Variants in CSMD1 observed in about 807,000 individuals in gnomAD.
CSMD1 encodes CUB and sushi domain-containing protein 1.
In CSMD1, 213 loss-of-function variants were observed where a neutral mutation model predicts 417.5. That is an observed-to-expected ratio of 0.51 (90% confidence interval 0.46 to 0.57). The LOEUF (loss-of-function observed/expected upper bound fraction) is 0.57, where lower values mean the gene tolerates loss of function less well. Among genes scored for constraint, CSMD1 ranks in the 20% least tolerant of loss-of-function variants. The pLI, the probability that CSMD1 is intolerant of heterozygous loss-of-function variation, is 0.00. For synonymous variants in CSMD1, 2,862 were observed against 1,736.8 expected, an observed-to-expected ratio of 1.65 and a Z score of -16.11; for missense variants, 6,923 against 4,529.7, an observed-to-expected ratio of 1.53 and a Z score of -15.17.
In CSMD1 at chr8:4,415,019, A is replaced by G. The variant is rs551606519; in HGVS notation, c.415+4934T>C. 7.2e-5 allele frequency among the ~76,000 whole-genome samples: 11 copies of G among 152,334 alleles called. No homozygotes were observed. The East Asian group carries it at 2.1e-3, about 29-fold the overall frequency. ...TAAATTGTCACATAGAAGCATAGGC[A>G]AGCAAAAATGCTATCCTTCGTTTCA... is the stretch of plus-strand genomic sequence containing the variant. On this transcript the variant is annotated intron_variant, in intron 3 of 69. Coordinates refer to ENST00000635120, the MANE Select transcript of CSMD1 (RefSeq NM_033225.6).
At chr8:4,211,728 G>A (rs1188500755) in intron 3 of CSMD1, among the ~76,000 whole-genome samples, 3 of 152,256 alleles carry the variant, frequency 2.0e-5, no homozygotes, top group South Asian at 2.1e-4. Context: ...TGCAAGTGGG[G>A]AGTTGACAAA....
intron 12 of CSMD1, among the ~76,000 whole-genome samples, chr8:3,465,362 C>A (rs917580986): frequency 6.6e-6 from 1 of 152,110 alleles, no homozygotes; most frequent in Admixed American, 6.5e-5. Flanking sequence ...GAGTTAGAGA[C>A]AGCACAAATG....
Position 3,175,483 on chromosome 8 carries a change from T to TCCTGCCTGCCTGCCTGCCTGCCTGCCTG in CSMD1, c.5725+5626_5725+5627insCAGGCAGGCAGGCAGGCAGGCAGGCAGG, listed in dbSNP as rs67818519. ...CTTTCCTTCCTTCTTTTCCCTTCCTTCCTGCCTGCCTGCCTGCCTGCCTGC... is the reference window on the plus strand; with the variant it reads ...CTTTCCTTCCTTCTTTTCCCTTCCTTCCTGCCTGCCTGCCTGCCTGCCTGCCTGCCTGCCTGCCTGCCTGCCTGCCTGC... On this transcript the variant is annotated intron_variant, in intron 37 of 69. Coordinates refer to ENST00000635120, the MANE Select transcript of CSMD1 (RefSeq NM_033225.6). 4.9e-5 allele frequency among the ~76,000 whole-genome samples: 6 copies of TCCTGCCTGCCTGCCTGCCTGCCTGCCTG among 121,664 alleles called. No individual in the cohort carries two copies. The East Asian group carries it at 1.1e-3, about 22-fold the overall frequency. The allele number at this position is 121,664 out of a possible 152,430, so 79.8% of individuals were successfully genotyped here.
chr8:3,674,066 A>G (rs1799236617), intron 7 of CSMD1, among the ~76,000 whole-genome samples: 1 of 152,122 alleles, frequency 6.6e-6, no homozygotes, highest in Admixed American at 6.6e-5. Flanking sequence ...TGATAATGTC[A>G]TTGCACTCCA....
chr8:3,847,239 T>C (rs1346952559), intron 5 of CSMD1, among the ~76,000 whole-genome samples: 2 of 152,130 alleles, frequency 1.3e-5, no homozygotes, highest in South Asian at 2.1e-4. Flanking sequence ...TGAAGACATT[T>C]TGCAGATGTA....
chr8:4,387,150 T>C (rs939970693), intron 3 of CSMD1, among the ~76,000 whole-genome samples: 1 of 152,166 alleles, frequency 6.6e-6, no homozygotes, highest in Non-Finnish European at 1.5e-5. Context: ...ATTTCTTAAT[T>C]TGGAAAATGA....
At chr8:4,473,512 G>A (rs1467940728) in intron 2 of CSMD1, among the ~76,000 whole-genome samples, 1 of 152,130 alleles carries the variant, frequency 6.6e-6, no homozygotes, top group African/African-American at 2.4e-5. Context: ...CTCCCCTCTT[G>A]CACCTGCTTT....
chr8:3,544,141 G>A (rs1798558456), intron 10 of CSMD1, among the ~76,000 whole-genome samples: 1 of 152,084 alleles, frequency 6.6e-6, no homozygotes, highest in South Asian at 2.1e-4. Context: ...GGGACGTGCT[G>A]GGCTGCATCC....
chr8:3,920,844 C>A (rs1479690541), intron 5 of CSMD1, among the ~76,000 whole-genome samples: 3 of 152,058 alleles, frequency 2.0e-5, no homozygotes, highest in African/African-American at 7.2e-5. Context: ...GGTGTATGAT[C>A]CCTTTAATGT....
chr8:3,936,632 G>GA (rs756958300), intron 5 of CSMD1, among the ~76,000 whole-genome samples: 132 of 152,230 alleles, frequency 8.7e-4, no homozygotes, highest in African/African-American at 2.9e-3. Flanking sequence ...GTACTGCTCA[G>GA]AAAAAGATTC....
chr8:4,105,574 G>C (rs867088299), intron 3 of CSMD1, among the ~76,000 whole-genome samples: 12 of 152,136 alleles, frequency 7.9e-5, no homozygotes, highest in African/African-American at 1.9e-4. Flanking sequence ...CAAATTCATT[G>C]TCTATGAGTA....
chr8:3,602,985 G>T (rs1014756303), intron 8 of CSMD1, among the ~76,000 whole-genome samples: 1 of 152,088 alleles, frequency 6.6e-6, no homozygotes, highest in Non-Finnish European at 1.5e-5. Context: ...TACAGATATT[G>T]AAAAGACTGT....
chr8:3,596,141 A>C lies in CSMD1; in HGVS notation c.1098-9881T>G, dbSNP rs1584938230. Among the ~76,000 whole-genome samples, 5 of 152,230 alleles carry C rather than the reference A, an allele frequency of 3.3e-5. No homozygotes were observed. The South Asian group carries it at 8.3e-4, about 25-fold the overall frequency. On this transcript the variant is annotated intron_variant, in intron 8 of 69. Coordinates refer to ENST00000635120, the MANE Select transcript of CSMD1 (RefSeq NM_033225.6). ...TCTTTGCTCTGTAGCTCGAGGGAGG[A>C]AACAGTGAGGAGTGTCGGAGGCAGA... is the stretch of plus-strand genomic sequence containing the variant.
chr8:3,426,499 C>T (rs1356316322), intron 12 of CSMD1, among the ~76,000 whole-genome samples: 4 of 152,156 alleles, frequency 2.6e-5, no homozygotes, highest in African/African-American at 9.7e-5. Flanking sequence ...TGCTCTTTCC[C>T]TCAATTGCCT....
intron 3 of CSMD1, among the ~76,000 whole-genome samples, chr8:4,332,944 T>TAAAA (rs35103998): frequency 0.3 from 42,409 of 143,204 alleles, 7,265 homozygotes; most frequent in African/African-American, 0.48. Flanking sequence ...TATAAAAATC[T>TAAAA]AAAAAAAAAA....
intron 5 of CSMD1, among the ~76,000 whole-genome samples, chr8:3,778,907 C>T (rs1563071386): frequency 2.6e-5 from 4 of 152,214 alleles, no homozygotes; most frequent in South Asian, 2.1e-4. Context: ...CAGGAGTTCC[C>T]GGATCAACAA....
rs181732911 is a variant in CSMD1 at position 4,722,586 on chromosome 8, C to T, written c.86-85028G>A. ...CAGATAGTTAGGAATGTCTGTGTTC[C>T]TTCTTGGAGGAGCCCTGAACTACAG... On this transcript the variant is annotated intron_variant, in intron 1 of 69. Coordinates refer to ENST00000635120, the MANE Select transcript of CSMD1 (RefSeq NM_033225.6). Among the ~76,000 whole-genome samples the T allele has an allele frequency of 4.0e-3, 614 of 152,150 alleles. 6 individuals are homozygous for T. Among genetic ancestry groups the T allele is most frequent in the Admixed American group, 5.2e-3 (80 of 15,276 alleles).
intron 3 of CSMD1, among the ~76,000 whole-genome samples, chr8:4,110,638 G>GTGAA (rs869228201): frequency 2.6e-5 from 4 of 151,374 alleles, no homozygotes; most frequent in African/African-American, 9.7e-5. Flanking sequence ...ATATATACAG[G>GTGAA]TGTGTGTGTG....
intron 3 of CSMD1, among the ~76,000 whole-genome samples, chr8:4,221,432 G>A (rs1181746469): frequency 2.6e-5 from 4 of 151,534 alleles, no homozygotes; most frequent in African/African-American, 9.7e-5. Context: ...AAGCTACTGG[G>A]TTAACAGACA....
Sources: allele counts gnomAD v4.1 joint callset (sites outside exome capture counted in the v4.1 genomes callset), GRCh38; gene constraint gnomAD v4.1.1; transcripts MANE v1.5; gene names NCBI Gene and HGNC (gene_info 2026-07-23, HGNC 2026-07-21).